DCHS2: variants seen among roughly 807,000 people sequenced by gnomAD.
DCHS2 encodes the protein dachsous cadherin-related 2, also known as protocadherin-23.
A neutral mutation model predicts 182.4 loss-of-function variants in DCHS2; 142 were observed. The ratio of observed to expected loss-of-function variants is 0.78; its 90% CI spans 0.68 to 0.89. The LOEUF (loss-of-function observed/expected upper bound fraction) is 0.89, where lower values mean the gene tolerates loss of function less well. Ranked by LOEUF, DCHS2 falls within the 40% of genes least tolerant of loss-of-function variation. The probability of loss-of-function intolerance (pLI) is 0.00; values close to 1 mark genes in which losing one functional copy is unlikely to be tolerated. For synonymous variants in DCHS2, 1,740 were observed against 1,663.3 expected (o/e 1.05, Z -1.12); for missense variants, 4,319 against 4,198.6 (o/e 1.03, Z -0.79).
At chr4:154,240,307 T>TAAAAA (rs11379756) in intron 18 of DCHS2, among the ~76,000 whole-genome samples, 2 of 143,536 alleles carry the variant, frequency 1.4e-5, no homozygotes, top group Non-Finnish European at 3.0e-5. Context: ...CTCTAAAAAC[T>TAAAAA]AAAAAAAAAA....
intron 1 of DCHS2, among the ~76,000 whole-genome samples, chr4:154,468,437 G>C (rs1410129132): frequency 6.6e-6 from 1 of 151,978 alleles, no homozygotes; most frequent in Non-Finnish European, 1.5e-5. Context: ...TCATTCTTTT[G>C]CCTGACCATT....
intron 2 of DCHS2, among the ~76,000 whole-genome samples, chr4:154,366,946 G>T (rs1354921830): frequency 6.6e-6 from 1 of 152,188 alleles, no homozygotes; most frequent in Non-Finnish European, 1.5e-5. Flanking sequence ...GGGCAGGGGG[G>T]TGCCCTGGTG....
rs146644005 is a variant in DCHS2 at position 154,357,397 on chromosome 4, C to A, written c.2476+8813G>T. The A allele has an allele frequency of 6.0e-5, 58 of 964,364 alleles. No homozygotes were observed. The African/African-American group carries it at 8.6e-4, about 14-fold the overall frequency. The allele number at this position is 964,364 out of a possible 1,614,324, so 59.7% of individuals were successfully genotyped here. On this transcript the variant is annotated intron_variant, in intron 3 of 19. Coordinates refer to ENST00000357232, the MANE Select transcript of DCHS2 (RefSeq NM_001358235.2). ...AAGAAAAAGCAGGTAAGCTATAAGTCTGCCTTTCTTCATAGTCCAGGACAC... is the reference window on the plus strand; with the variant it reads ...AAGAAAAAGCAGGTAAGCTATAAGTATGCCTTTCTTCATAGTCCAGGACAC...
chr4:154,354,419 A>G (rs1729766199), intron 3 of DCHS2, among the ~76,000 whole-genome samples: 1 of 152,236 alleles, frequency 6.6e-6, no homozygotes, highest in Non-Finnish European at 1.5e-5. Flanking sequence ...ATTAGTTAAA[A>G]TTAAGAAATT....
chr4:154,381,566 T>C (rs536600048), intron 1 of DCHS2, among the ~76,000 whole-genome samples: 1 of 152,116 alleles, frequency 6.6e-6, no homozygotes, highest in Non-Finnish European at 1.5e-5. Context: ...CTCCTGGAAC[T>C]GATAAACAAC....
Position 154,367,635 on chromosome 4 carries a change from T to C in DCHS2, c.2245-1194A>G, listed in dbSNP as rs193143603. 2.7e-4 allele frequency among the ~76,000 whole-genome samples: 41 copies of C among 152,320 alleles called. 2 individuals are homozygous for C. In the East Asian group the frequency reaches 7.9e-3, roughly 29 times the overall value. On this transcript the variant is annotated intron_variant, in intron 2 of 19. Transcript: ENST00000357232. ...CCATTTTCTGTTTCTATCTGGTACATTTTGACACTTTCATCTTTGACAAAA... is the reference window on the plus strand; with the variant it reads ...CCATTTTCTGTTTCTATCTGGTACACTTTGACACTTTCATCTTTGACAAAA...
intron 12 of DCHS2, among the ~76,000 whole-genome samples, chr4:154,300,324 T>C (rs1262579472): frequency 6.6e-6 from 1 of 152,090 alleles, no homozygotes; most frequent in East Asian, 1.9e-4. Context: ...TGAAGGATTT[T>C]GGACAGGAAA....
chr4:154,327,128 A>G (rs572722014), intron 7 of DCHS2, among the ~76,000 whole-genome samples: 40 of 152,264 alleles, frequency 2.6e-4, no homozygotes, highest in Non-Finnish European at 5.1e-4. Context: ...ATAGAGACAG[A>G]TCCTATCTGT....
intron 3 of DCHS2, among the ~76,000 whole-genome samples, chr4:154,338,580 T>C (rs1728921585): frequency 6.6e-6 from 1 of 152,190 alleles, no homozygotes. Context: ...AAAATTTTAA[T>C]TGTTCACACT....
chr4:154,279,585 A>G (rs1204775153), intron 13 of DCHS2, among the ~76,000 whole-genome samples: 1 of 152,092 alleles, frequency 6.6e-6, no homozygotes, highest in Non-Finnish European at 1.5e-5. Context: ...AAGGAAAGCT[A>G]GTAAATTCTC....
chr4:154,314,431 G>T (rs1289424665), intron 10 of DCHS2, among the ~76,000 whole-genome samples: 2 of 152,128 alleles, frequency 1.3e-5, no homozygotes, highest in Admixed American at 1.3e-4. Flanking sequence ...GCATGCTTCG[G>T]ACTCAACTCT....
intron 1 of DCHS2, among the ~76,000 whole-genome samples, chr4:154,479,867 G>A (rs1240952236): frequency 6.6e-6 from 1 of 152,132 alleles, no homozygotes; most frequent in African/African-American, 2.4e-5. Flanking sequence ...ACAGACATAA[G>A]CATGACAATT....
At chr4:154,296,444 T>C (rs894868286) in intron 13 of DCHS2, among the ~76,000 whole-genome samples, 1 of 152,192 alleles carries the variant, frequency 6.6e-6, no homozygotes, top group African/African-American at 2.4e-5. Flanking sequence ...AAATTCTGAG[T>C]GCCTCTTCCT....
chr4:154,269,314 A>G (rs1733455290), intron 14 of DCHS2: 1 of 152,392 alleles, frequency 6.6e-6, no homozygotes, highest in African/African-American at 2.4e-5. Context: ...TTGACAACAA[A>G]GCAGTAGATG....
At chr4:154,424,290 A>G (rs1426623122) in intron 1 of DCHS2, among the ~76,000 whole-genome samples, 2 of 152,228 alleles carry the variant, frequency 1.3e-5, no homozygotes, top group Non-Finnish European at 2.9e-5. Flanking sequence ...TACTAAGCTG[A>G]AAGTAAAGGA....
At chr4:154,319,281 G>T (rs1401808162) in intron 9 of DCHS2, among the ~76,000 whole-genome samples, 1 of 151,952 alleles carries the variant, frequency 6.6e-6, no homozygotes, top group African/African-American at 2.4e-5. Flanking sequence ...TGTGAAGTGG[G>T]TCTTGGCAAT....
chr4:154,325,316 CGTGTGT>C (rs75589397), intron 7 of DCHS2, among the ~76,000 whole-genome samples: 1,700 of 142,738 alleles, frequency 0.012, 28 homozygotes, highest in African/African-American at 0.034. Flanking sequence ...GGATTATAGC[CGTGTGT>C]GTGTGTGTGT....
At chr4:154,451,358 G>A (rs547305052) in intron 1 of DCHS2, among the ~76,000 whole-genome samples, 5 of 152,112 alleles carry the variant, frequency 3.3e-5, no homozygotes, top group East Asian at 1.9e-4. Flanking sequence ...CACTTACTAC[G>A]CTCATCATGA....
chr4:154,389,009 G>A lies in DCHS2; in HGVS notation c.2053-11565C>T, dbSNP rs1731548579. The stretch of plus-strand genomic sequence containing the variant: ...AGGCATTACTGATGTCTAAACCAGG[G>A]GTGAGCAAGGGCCGGACAGTAAATA... On this transcript the variant is annotated intron_variant, in intron 1 of 19. Coordinates refer to ENST00000357232, the MANE Select transcript of DCHS2 (RefSeq NM_001358235.2). 3.3e-5 allele frequency among the ~76,000 whole-genome samples: 5 copies of A among 152,070 alleles called. No homozygotes were observed. In the South Asian group the frequency reaches 8.3e-4, roughly 25 times the overall value.
Sources: allele counts gnomAD v4.1 joint callset (sites outside exome capture counted in the v4.1 genomes callset), GRCh38; gene constraint gnomAD v4.1.1; transcripts MANE v1.5; gene names NCBI Gene and HGNC (gene_info 2026-07-23, HGNC 2026-07-21).